CRACD: variants seen among roughly 807,000 people sequenced by gnomAD.
CRACD encodes the protein capping protein-inhibiting regulator of actin dynamics.
In CRACD, 56 loss-of-function variants were observed where a neutral mutation model predicts 106.8. The observed-to-expected ratio is 0.52, with a 90% CI of 0.42 to 0.66. The LOEUF is 0.66. Ranked by LOEUF, CRACD falls within the 30% of genes least tolerant of loss-of-function variation. The pLI, the probability that CRACD is intolerant of heterozygous loss-of-function variation, is 0.00. For missense variants in CRACD, 1,730 were observed against 1,623.2 expected, an observed-to-expected ratio of 1.07 and a Z score of -1.13; for synonymous variants, 754 against 670.8, an observed-to-expected ratio of 1.12 and a Z score of -1.92.
chr4:56,063,066 A>AG (rs1167362706), intron 1 of CRACD, among the ~76,000 whole-genome samples: 5 of 151,794 alleles, frequency 3.3e-5, no homozygotes, highest in Admixed American at 6.6e-5. Context: ...CAAGGAAGGA[A>AG]GAAAGGAAAG....
At chr4:56,165,034 T>C (rs1294733115) in intron 1 of CRACD, among the ~76,000 whole-genome samples, 1 of 152,248 alleles carries the variant, frequency 6.6e-6, no homozygotes, top group African/African-American at 2.4e-5. Context: ...CTGACCCAGA[T>C]GGCAGTTTCT....
At chr4:56,305,601 C>T (rs1239357355) in intron 4 of CRACD, among the ~76,000 whole-genome samples, 1 of 152,218 alleles carries the variant, frequency 6.6e-6, no homozygotes, top group Admixed American at 6.5e-5. Context: ...CCTTCTCCTC[C>T]CCACAACCCT....
intron 1 of CRACD, among the ~76,000 whole-genome samples, chr4:56,142,676 A>G (rs529866163): frequency 6.6e-6 from 1 of 152,284 alleles, no homozygotes; most frequent in South Asian, 2.1e-4. Context: ...ATGAGTTTAA[A>G]AAATATTTCC....
At chr4:56,104,174 ATCGCT>A (rs1441556160) in intron 1 of CRACD, among the ~76,000 whole-genome samples, 10 of 152,202 alleles carry the variant, frequency 6.6e-5, no homozygotes, top group African/African-American at 2.4e-4. Context: ...AGGTGGGAGC[ATCGCT>A]TGGGCCCAGG....
chr4:56,306,847 G>A lies in CRACD; in HGVS notation c.121-688G>A, dbSNP rs552041525. Among the ~76,000 whole-genome samples the A allele has an allele frequency of 8.5e-5, 13 of 152,206 alleles. No individual in the cohort carries two copies. The East Asian group carries it at 9.7e-4, about 11-fold the overall frequency. The stretch of plus-strand genomic sequence containing the variant: ...TTGGTTCCTCTGTCTCCTTTGTCAC[G>A]GTTAGGTGGCCACAGCAAGGCAAAG... On this transcript the variant is annotated intron_variant, in intron 4 of 10. Transcript: ENST00000682029.
chr4:56,203,688 G>A (rs940136349), intron 2 of CRACD, among the ~76,000 whole-genome samples: 6 of 152,184 alleles, frequency 3.9e-5, no homozygotes, highest in African/African-American at 1.4e-4. Context: ...AAAATGTGGA[G>A]CCATTTGTTC....
At position 56,172,733 on chromosome 4, in the gene CRACD, C is replaced by T. The variant is rs548080493; in HGVS notation, c.-335-6551C>T. 3.0e-4 allele frequency among the ~76,000 whole-genome samples: 45 copies of T among 152,244 alleles called. No individual in the cohort carries two copies. In the Middle Eastern group the frequency reaches 0.014, roughly 46 times the overall value. Reference sequence around the variant, plus strand: ...CCACCTCCTGGGTTCAAGCGATTCTCTTGCCTCAGCCTCCTGAGCAGCTGG... The same window carrying T: ...CCACCTCCTGGGTTCAAGCGATTCTTTTGCCTCAGCCTCCTGAGCAGCTGG... On this transcript the variant is annotated intron_variant, in intron 1 of 10. Coordinates refer to ENST00000682029, the MANE Select transcript of CRACD (RefSeq NM_001393381.1).
At chr4:56,077,599 G>T (rs1473144623) in intron 1 of CRACD, among the ~76,000 whole-genome samples, 1 of 152,168 alleles carries the variant, frequency 6.6e-6, no homozygotes, top group Admixed American at 6.5e-5. Flanking sequence ...GCAGTTCGTG[G>T]AGATGGGTAA....
chr4:56,235,036 T>G (rs752744548), intron 2 of CRACD, among the ~76,000 whole-genome samples: 5 of 152,230 alleles, frequency 3.3e-5, no homozygotes, highest in Non-Finnish European at 7.3e-5. Context: ...AACAGTTCAT[T>G]GCATTTGTAT....
intron 1 of CRACD, among the ~76,000 whole-genome samples, chr4:56,058,397 A>C (rs1363388653): frequency 6.6e-6 from 1 of 152,212 alleles, no homozygotes; most frequent in Non-Finnish European, 1.5e-5. Flanking sequence ...GCCTTGATGG[A>C]CAAAGCAGCA....
intron 2 of CRACD, among the ~76,000 whole-genome samples, chr4:56,230,731 C>T (rs1262645632): frequency 4.6e-5 from 7 of 152,150 alleles, no homozygotes; most frequent in African/African-American, 9.7e-5. Context: ...TATAAACTTT[C>T]AAATAAAGGT....
At position 56,329,714 on chromosome 4, in the gene CRACD, T is replaced by C. The variant is rs1429892474; in HGVS notation, c.*1910T>C. ...TGATTTCCTCACTAATATAACACTT[T>C]TTAATGGGAATCTTTCCACCTACAG... On this transcript the variant is annotated 3_prime_UTR_variant, in exon 11 of 11. Coordinates refer to ENST00000682029, the MANE Select transcript of CRACD (RefSeq NM_001393381.1). Among the ~76,000 whole-genome samples the C allele has an allele frequency of 2.0e-5, 3 of 152,226 alleles. No individual in the cohort carries two copies. The highest frequency in any genetic ancestry group is 4.4e-5 in the Non-Finnish European group (3 of 68,040).
At chr4:56,270,168 C>G (rs530212494) in intron 2 of CRACD, among the ~76,000 whole-genome samples, 3 of 151,970 alleles carry the variant, frequency 2.0e-5, no homozygotes. Flanking sequence ...CACCTTATGC[C>G]GCTGCTTAGG....
intron 5 of CRACD, chr4:56,308,881 T>C (rs1577891781): frequency 7.8e-7 from 1 of 1,288,944 alleles, no homozygotes; most frequent in East Asian, 5.6e-5. Flanking sequence ...GATGAGCTCA[T>C]AAGTGCTGGG....
At chr4:56,218,382 G>C (rs918603277) in intron 2 of CRACD, among the ~76,000 whole-genome samples, 6 of 151,876 alleles carry the variant, frequency 4.0e-5, no homozygotes, top group Admixed American at 3.9e-4. Flanking sequence ...CAAGTGCTGG[G>C]ATTACAGGAG....
chr4:56,249,181 A>C (rs1039146948), intron 2 of CRACD, among the ~76,000 whole-genome samples: 11 of 150,082 alleles, frequency 7.3e-5, no homozygotes, highest in African/African-American at 2.7e-4. Flanking sequence ...ACTAGTTTAC[A>C]GTCCCACCAA....
intron 3 of CRACD, among the ~76,000 whole-genome samples, chr4:56,279,295 G>A (rs1489392655): frequency 6.6e-6 from 1 of 151,968 alleles, no homozygotes. Flanking sequence ...GTTCCTATTC[G>A]GCCATCTTGG....
At chr4:56,266,779 T>A (rs921294796) in intron 2 of CRACD, among the ~76,000 whole-genome samples, 1 of 152,248 alleles carries the variant, frequency 6.6e-6, no homozygotes, top group Non-Finnish European at 1.5e-5. Flanking sequence ...CCCAGCATCA[T>A]AAACTGACCA....
Position 56,307,581 on chromosome 4 carries a change from C to T in CRACD, c.167C>T (p.Ala56Val). 5 of 1,614,150 alleles carry T rather than the reference C, an allele frequency of 3.1e-6. No homozygotes were observed. The highest frequency in any genetic ancestry group is 4.2e-6 in the Non-Finnish European group (5 of 1,180,006). Residue 56 changes from alanine (A) to valine (V), a missense_variant, in exon 5 of 11, where the codon GCC becomes GTC. Transcript: ENST00000682029. The part of the protein sequence containing the change: ...NIKFGQRSPN[A>V]IPMNKANSGE... ...AAGTTTGGGCAGCGGTCACCCAATG[C>T]CATTCCCATGAATAAGGCAAACAGT... is the stretch of plus-strand genomic sequence containing the variant.
Sources: allele counts gnomAD v4.1 joint callset (sites outside exome capture counted in the v4.1 genomes callset), GRCh38; gene constraint gnomAD v4.1.1; transcripts MANE v1.5; gene names NCBI Gene and HGNC (gene_info 2026-07-23, HGNC 2026-07-21).